Variants in TAB1 observed in about 807,000 individuals in gnomAD.
TAB1 encodes the protein TGF-beta activated kinase 1 (MAP3K7) binding protein 1.
In TAB1, 30 loss-of-function variants were observed where a neutral mutation model predicts 54.5. That is an observed-to-expected ratio of 0.55 (90% CI 0.41 to 0.75). TAB1 has a LOEUF of 0.75. Among genes scored for constraint, TAB1 ranks in the 30% least tolerant of loss-of-function variants. The pLI is 0.00. For missense variants in TAB1, 609 were observed against 683.2 expected (o/e 0.89, Z 1.21); for synonymous variants, 289 against 286.9 (o/e 1.01, Z -0.07).
chr22:39,429,266 G>T, intron 10 of TAB1: 2 of 985,436 alleles, frequency 2.0e-6, no homozygotes, highest in Non-Finnish European at 2.4e-6. Flanking sequence ...GGGGAGGGGG[G>T]CGAAGGAAGG....
At chr22:39,426,107 C>T (rs920668472) in intron 8 of TAB1, among the ~76,000 whole-genome samples, 4 of 152,224 alleles carry the variant, frequency 2.6e-5, no homozygotes, top group Admixed American at 1.3e-4. Context: ...AGTCCTCCCA[C>T]CTCAGCCTCC....
chr22:39,429,437 AG>A (rs1927491222), intron 10 of TAB1: 1 of 883,242 alleles, frequency 1.1e-6, no homozygotes, highest in Non-Finnish European at 1.4e-6. Flanking sequence ...CGGCGTCTCT[AG>A]CCACTTGTGG....
rs1208635465 is a variant in TAB1 at position 39,415,004 on chromosome 22, A to G, written c.34-2A>G. The G allele has an allele frequency of 2.5e-6, 4 of 1,613,818 alleles. No individual in the cohort carries two copies. The highest frequency in any genetic ancestry group is 1.7e-5 in the Admixed American group (1 of 59,992). Reference sequence around the variant, plus strand: ...TCACGGCTTCCTGGTGTCCTTCCCCAGGAGCAGCAGCCAAGCTGGACAGAT... The same window carrying G: ...TCACGGCTTCCTGGTGTCCTTCCCCGGGAGCAGCAGCCAAGCTGGACAGAT... On this transcript the variant is annotated splice_acceptor_variant, in intron 1 of 10. Coordinates refer to ENST00000216160, the MANE Select transcript of TAB1 (RefSeq NM_006116.3). LOFTEE classifies it high-confidence loss of function. This position sits in a 1 kb window ranked among gnomAD's most constrained non-coding sequence, Gnocchi z 4.9.
Position 39,428,011 on chromosome 22 carries a change from C to A in TAB1, c.1145-10C>A. ...TGCTGCCTGAGGCCCCCACTCTCTT[C>A]CTCCCAAAGCTGCAGGAGGACGAGT... On this transcript the variant is annotated splice_polypyrimidine_tract_variant and intron_variant, in intron 9 of 10. Transcript: ENST00000216160. 6.4e-7 allele frequency: 1 copy of A among 1,574,524 alleles called. No individual in the cohort carries two copies. Among genetic ancestry groups the A allele is most frequent in the South Asian group, 1.1e-5 (1 of 87,760 alleles).
chr22:39,414,410 G>A (rs941395048), intron 1 of TAB1, among the ~76,000 whole-genome samples: 1 of 152,208 alleles, frequency 6.6e-6, no homozygotes, highest in Non-Finnish European at 1.5e-5. Context: ...TTAAAAGCCA[G>A]TCTCAGTTAC....
downstream of TAB1, among the ~76,000 whole-genome samples, chr22:39,435,514 G>T (rs1471592914): frequency 1.3e-5 from 2 of 152,310 alleles, no homozygotes; most frequent in African/African-American, 4.8e-5. Flanking sequence ...TACTGCTGGC[G>T]CCCATTTTAC....
chr22:39,420,775 CTGTGTGTGTGTGTGTGTGTG>C (rs71326771), intron 7 of TAB1, among the ~76,000 whole-genome samples: 12 of 71,834 alleles, frequency 1.7e-4, no homozygotes, highest in African/African-American at 4.0e-4. Context: ...CACGGTGTCT[CTGTGTGTGTGTGTGTGTGTG>C]TGTGTGTGTG....
chr22:39,426,827 C>T lies in TAB1; in HGVS notation c.1046C>T (p.Ala349Val), dbSNP rs898494471. Residue 349 changes from alanine (A) to valine (V), a missense_variant, in exon 9 of 11, where the codon GCC (alanine) becomes GTC (valine). By Grantham distance (64) the Ala-to-Val change is moderately conservative. Transcript: ENST00000216160. ...SDTFASGGER[A>V]RFCPRHEDMT... ...ACCTTCGCCAGTGGTGGGGAGCGTG[C>T]CAGGTTCTGCCCCCGGCACGAGGAC... is the stretch of plus-strand genomic sequence containing the variant. 9.9e-6 allele frequency: 16 copies of T among 1,613,658 alleles called. No homozygotes were observed. Among genetic ancestry groups the T allele is most frequent in the Non-Finnish European group, 1.4e-5 (16 of 1,180,040 alleles).
chr22:39,400,977 C>T (rs1233540805), intron 1 of TAB1, among the ~76,000 whole-genome samples: 1 of 142,086 alleles, frequency 7.0e-6, no homozygotes, highest in East Asian at 2.1e-4. Flanking sequence ...GAGCTTGCAG[C>T]GAGCCAAGAT....
At position 39,400,683 on chromosome 22, in the gene TAB1, G is replaced by A. The variant is rs887459179; in HGVS notation, c.33+848G>A. ...CCAGGGTAGGGTGCTGGCCTCCTGG[G>A]TCCTTCCTATGCATGGCACTGTTAG... is the stretch of plus-strand genomic sequence containing the variant. On this transcript the variant is annotated intron_variant, in intron 1 of 10. Coordinates refer to ENST00000216160, the MANE Select transcript of TAB1 (RefSeq NM_006116.3). Among the ~76,000 whole-genome samples, 8 of 152,308 alleles carry A rather than the reference G, an allele frequency of 5.3e-5. No homozygotes were observed. The South Asian group carries it at 1.2e-3, about 24-fold the overall frequency.
chr22:39,430,110 A>G lies in TAB1; in HGVS notation c.1403A>G (p.His468Arg). 7.4e-6 allele frequency: 12 copies of G among 1,613,876 alleles called. No homozygotes were observed. The highest frequency in any genetic ancestry group is 1.0e-5 in the Non-Finnish European group (12 of 1,180,010). The change falls in exon 11 of 11, where the codon CAC (histidine) becomes CGC (arginine). Residue 468 changes from histidine to arginine, a missense_variant. Transcript: ENST00000216160. ...DGGLFRSRPA[H>R]SLPPGEDGRV... Reference sequence around the variant, plus strand: ...GGCCTCTTCCGCTCCCGGCCCGCCCACTCGCTCCCGCCTGGCGAGGACGGT... The same window carrying G: ...GGCCTCTTCCGCTCCCGGCCCGCCCGCTCGCTCCCGCCTGGCGAGGACGGT...
At chr22:39,400,840 C>G (rs923937100) in intron 1 of TAB1, among the ~76,000 whole-genome samples, 3 of 151,980 alleles carry the variant, frequency 2.0e-5, no homozygotes, top group Non-Finnish European at 2.9e-5. Flanking sequence ...TCAAGACCAT[C>G]CTGGCCAACA....
At chr22:39,405,782 G>A (rs988089672) in intron 1 of TAB1, among the ~76,000 whole-genome samples, 1 of 152,196 alleles carries the variant, frequency 6.6e-6, no homozygotes, top group Non-Finnish European at 1.5e-5. Flanking sequence ...GGAAAGGGAC[G>A]GGAGAACACG....
chr22:39,404,845 T>G (rs938959793), intron 1 of TAB1, among the ~76,000 whole-genome samples: 2 of 152,140 alleles, frequency 1.3e-5, no homozygotes, highest in Non-Finnish European at 2.9e-5. Flanking sequence ...TGGAGAACCT[T>G]CAATGAAAAC....
chr22:39,401,777 C>T (rs1926155020), intron 1 of TAB1, among the ~76,000 whole-genome samples: 1 of 152,174 alleles, frequency 6.6e-6, no homozygotes, highest in African/African-American at 2.4e-5. Context: ...CCCCTCCGCC[C>T]TCATGATGAT....
Sources: gnomAD v4.1 joint callset for allele counts (sites outside exome capture counted in the v4.1 genomes callset) on GRCh38, gnomAD v4.1.1 for gene constraint, Gnocchi (gnomAD v3.1) non-coding constraint, MANE v1.5 for transcripts, NCBI Gene and HGNC (gene_info 2026-07-23, HGNC 2026-07-21) for gene names.